The following SORBS2 variants were observed in gnomAD, a reference collection of about 807,000 sequenced individuals.
SORBS2 encodes sorbin and SH3 domain containing 2, also known as sorbin and SH3 domain-containing protein 2.
Under a neutral mutation model 97.7 loss-of-function variants are expected in SORBS2, and 46 were observed. The observed-to-expected ratio is 0.47, with a 90% CI of 0.37 to 0.60. SORBS2 has a LOEUF of 0.60. Ranked by LOEUF, SORBS2 falls within the 20% of genes least tolerant of loss-of-function variation. The probability of loss-of-function intolerance (pLI) is 0.00; values close to 1 mark genes in which losing one functional copy is unlikely to be tolerated. For missense variants in SORBS2, 1,316 were observed against 1,282.3 expected (o/e 1.03, Z -0.40); for synonymous variants, 476 against 473.4 (o/e 1.01, Z -0.07).
chr4:185,715,983 T>C (rs1207290820), intron 2 of SORBS2, among the ~76,000 whole-genome samples: 1 of 152,250 alleles, frequency 6.6e-6, no homozygotes, highest in Non-Finnish European at 1.5e-5. Flanking sequence ...TCTTTTTCTA[T>C]GGCAAGCCAC....
In SORBS2 at chr4:185,867,925, A is replaced by G. The variant is rs967191917; in HGVS notation, c.-338+88271T>C. Among the ~76,000 whole-genome samples, 11 of 151,992 alleles carry G rather than the reference A, an allele frequency of 7.2e-5. No individual in the cohort carries two copies. The East Asian group carries it at 2.1e-3, about 30-fold the overall frequency. ...GTCCCACCAACTATTCATAGCACAA[A>G]TAGTGTCCCAGCTCTATCTCATCTG... On this transcript the variant is annotated intron_variant, in intron 1 of 20. Transcript: ENST00000284776.
chr4:185,904,237 G>A (rs2099249419), intron 1 of SORBS2, among the ~76,000 whole-genome samples: 1 of 152,190 alleles, frequency 6.6e-6, no homozygotes, highest in African/African-American at 2.4e-5. Flanking sequence ...TACAGTATAA[G>A]AGCAGCAGGA....
intron 2 of SORBS2, among the ~76,000 whole-genome samples, chr4:185,758,868 A>G (rs2098846821): frequency 6.6e-6 from 1 of 152,196 alleles, no homozygotes; most frequent in Admixed American, 6.5e-5. Context: ...CTTGCTCAAC[A>G]TTTGAAACTC....
At chr4:185,596,271 A>G (rs2096085001) in intron 12 of SORBS2, among the ~76,000 whole-genome samples, 1 of 152,212 alleles carries the variant, frequency 6.6e-6, no homozygotes, top group Admixed American at 6.5e-5. Context: ...TAAAATGTGA[A>G]TACCACTTTA....
chr4:185,624,273 G>A (rs1310376746), exon 7 of SORBS2: 1 of 1,614,158 alleles, frequency 6.2e-7, no homozygotes, highest in Non-Finnish European at 8.5e-7. Context: ...TCACAGCTCC[G>A]GGATTTGATT....
chr4:185,776,584 A>G (rs1430824169), intron 1 of SORBS2, among the ~76,000 whole-genome samples: 3 of 152,038 alleles, frequency 2.0e-5, no homozygotes, highest in African/African-American at 7.2e-5. Flanking sequence ...TTCCATCGGG[A>G]GATGAAAAGA....
chr4:185,956,029 T>G (rs61133205), intron 1 of SORBS2, among the ~76,000 whole-genome samples: 8,924 of 152,256 alleles, frequency 0.059, 879 homozygotes, highest in African/African-American at 0.2. Flanking sequence ...GTTCCTTTAT[T>G]CTGCTTAGTA....
intron 4 of SORBS2, chr4:185,665,824 GT>G (rs1214149349): frequency 2.6e-6 from 3 of 1,149,362 alleles, no homozygotes; most frequent in Admixed American, 3.8e-5. Context: ...ACGGCCAGTG[GT>G]GTCAGAGTCA....
chr4:185,864,835 C>G (rs964685236), intron 1 of SORBS2, among the ~76,000 whole-genome samples: 3 of 151,504 alleles, frequency 2.0e-5, no homozygotes, highest in African/African-American at 7.3e-5. Flanking sequence ...TTGCTTGAAC[C>G]CAGGAGGCAG....
chr4:185,675,049 A>G (rs555331081), intron 4 of SORBS2: 2 of 152,324 alleles, frequency 1.3e-5, no homozygotes, highest in East Asian at 1.9e-4. Context: ...TAGGCACCCA[A>G]TAAATATTTC....
chr4:185,686,397 A>G (rs1414769148), intron 2 of SORBS2, among the ~76,000 whole-genome samples: 1 of 152,206 alleles, frequency 6.6e-6, no homozygotes, highest in African/African-American at 2.4e-5. Flanking sequence ...CTTAATGTAG[A>G]AAATCATTAA....
At chr4:185,737,696 G>A (rs767100073) in intron 2 of SORBS2, among the ~76,000 whole-genome samples, 2 of 152,128 alleles carry the variant, frequency 1.3e-5, no homozygotes, top group Non-Finnish European at 1.5e-5. Flanking sequence ...CAGCGTGGTG[G>A]GCAGATATGA....
chr4:185,723,335 A>T (rs1275825511), intron 2 of SORBS2, among the ~76,000 whole-genome samples: 1 of 152,182 alleles, frequency 6.6e-6, no homozygotes, highest in African/African-American at 2.4e-5. Context: ...AAACAGTTTT[A>T]TGTCTTTGGA....
At chr4:185,605,785 A>G (rs770600081) in intron 12 of SORBS2, among the ~76,000 whole-genome samples, 3 of 152,140 alleles carry the variant, frequency 2.0e-5, no homozygotes, top group Admixed American at 1.3e-4. Context: ...GGGTTTCACC[A>G]TGTTGGCCAG....
At chr4:185,622,451 G>A (rs1209292055) in intron 7 of SORBS2, among the ~76,000 whole-genome samples, 2 of 152,218 alleles carry the variant, frequency 1.3e-5, no homozygotes, top group African/African-American at 2.4e-5. Context: ...TTTCAGTTTT[G>A]CTTCTTGAAT....
chr4:185,666,691 GA>G (rs371265334), intron 4 of SORBS2, among the ~76,000 whole-genome samples: 154 of 152,238 alleles, frequency 1.0e-3, no homozygotes, highest in African/African-American at 3.6e-3. Flanking sequence ...CAACTAAGCA[GA>G]AAAGATAAAT....
At chr4:185,763,373 A>G (rs759821394) in intron 2 of SORBS2, among the ~76,000 whole-genome samples, 1 of 152,136 alleles carries the variant, frequency 6.6e-6, no homozygotes, top group Non-Finnish European at 1.5e-5. Context: ...ACCACCTGCT[A>G]TACTGGCCCT....
intron 2 of SORBS2, among the ~76,000 whole-genome samples, chr4:185,711,039 G>A (rs1285486672): frequency 6.6e-6 from 1 of 152,102 alleles, no homozygotes; most frequent in Non-Finnish European, 1.5e-5. Context: ...GTGTGATTAT[G>A]GCTCACTGCA....
intron 2 of SORBS2, among the ~76,000 whole-genome samples, chr4:185,727,471 A>G (rs1053660306): frequency 6.6e-6 from 1 of 152,214 alleles, no homozygotes; most frequent in Admixed American, 6.5e-5. Flanking sequence ...AATCTTATTT[A>G]TTTCAATGTA....
Sources: gnomAD v4.1 joint callset for allele counts (sites outside exome capture counted in the v4.1 genomes callset) on GRCh38, gnomAD v4.1.1 for gene constraint, MANE v1.5 for transcripts, NCBI Gene and HGNC (gene_info 2026-07-23, HGNC 2026-07-21) for gene names.